The following SECISBP2L variants were observed in gnomAD, a reference collection of about 807,000 sequenced individuals.
The protein encoded by SECISBP2L is selenocysteine insertion sequence-binding protein 2-like.
Under a neutral mutation model 114.7 loss-of-function variants are expected in SECISBP2L, and 43 were observed. The observed-to-expected ratio is 0.38, with a 90% CI of 0.29 to 0.48. The LOEUF is 0.48. Among genes scored for constraint, SECISBP2L ranks in the 20% least tolerant of loss-of-function variants. SECISBP2L has a pLI of 0.98. For synonymous variants in SECISBP2L, 451 were observed against 439.7 expected, an observed-to-expected ratio of 1.03 and a Z score of -0.32; for missense variants, 1,136 against 1,301.1, an observed-to-expected ratio of 0.87 and a Z score of 1.95.
chr15:49,024,510 A>T (rs888220578), intron 7 of SECISBP2L, among the ~76,000 whole-genome samples: 1 of 151,862 alleles, frequency 6.6e-6, no homozygotes, highest in African/African-American at 2.4e-5. Context: ...AAAAAAAAAA[A>T]AAAAGAAAGA....
intron 17 of SECISBP2L, among the ~76,000 whole-genome samples, chr15:48,995,451 G>A (rs1409916679): frequency 6.6e-6 from 1 of 152,116 alleles, no homozygotes; most frequent in African/African-American, 2.4e-5. Context: ...CACAGACAGG[G>A]AGGCCAGGAA....
chr15:49,035,724 C>G, intron 2 of SECISBP2L, 66 bp from the exon 3 acceptor site: 1 of 1,415,604 alleles, frequency 7.1e-7, no homozygotes, highest in Non-Finnish European at 9.6e-7. Flanking sequence ...AAAGCAAAAT[C>G]TCTTAACTTA....
In SECISBP2L at chr15:48,992,725, T is replaced by C; in HGVS notation, c.2825A>G (p.Asp942Gly). The C allele has an allele frequency of 6.2e-7, 1 of 1,614,220 alleles. No individual in the cohort carries two copies. Among genetic ancestry groups the C allele is most frequent in the Non-Finnish European group, 8.5e-7 (1 of 1,180,036 alleles). Residue 942 changes from aspartate (D) to glycine (G), a missense_variant, in exon 18 of 18, where the codon GAT (aspartate) becomes GGT (glycine). Asp to Gly is a moderately conservative substitution (Grantham distance 94). Transcript: ENST00000559471. ...ATSAGKSTAS[D>G]KEEVKPDDLE... ...GTCATCTGGCTTCACTTCCTCTTTA[T>C]CACTTGCTGTGGATTTCCCAGCACT...
intron 13 of SECISBP2L, among the ~76,000 whole-genome samples, chr15:49,009,711 TA>T (rs201190342): frequency 1.8e-4 from 26 of 147,734 alleles, no homozygotes; most frequent in African/African-American, 4.7e-4. Flanking sequence ...TCCATCTCTT[TA>T]AAAAAAAAAC....
chr15:49,019,070 A>G (rs1356838611), intron 8 of SECISBP2L, among the ~76,000 whole-genome samples: 1 of 152,192 alleles, frequency 6.6e-6, no homozygotes, highest in Non-Finnish European at 1.5e-5. Context: ...GAACTACTCA[A>G]ATCTGAAAAG....
chr15:48,995,531 C>G (rs891496368), intron 17 of SECISBP2L, among the ~76,000 whole-genome samples: 1 of 151,950 alleles, frequency 6.6e-6, no homozygotes, highest in Non-Finnish European at 1.5e-5. Flanking sequence ...AACAAGCTAT[C>G]TGATAACCTC....
chr15:49,035,222 A>T lies in SECISBP2L; in HGVS notation c.528+112T>A, dbSNP rs1001915273. The T allele has an allele frequency of 7.9e-6, 7 of 881,912 alleles. No individual in the cohort carries two copies. In the East Asian group the frequency reaches 1.3e-4, roughly 16 times the overall value. The allele number at this position is 881,912 out of a possible 1,614,324, so 54.6% of individuals were successfully genotyped here. A position where few individuals can be genotyped will look rare whatever the true frequency, so the allele number is the denominator to read the frequency against. On this transcript the variant is annotated intron_variant, in intron 3 of 17. Transcript: ENST00000559471. ...CCTTTACCATTTTACAATAGTGAAC[A>T]ATATGTTTTATAGTAAATTCAGCAT...
intron 17 of SECISBP2L, chr15:48,995,963 A>G (rs4775793): frequency 0.75 from 124,441 of 164,956 alleles, 47,568 homozygotes; most frequent in African/African-American, 0.81. Context: ...AGCAGAACAA[A>G]GAGATTGATC....
intron 4 of SECISBP2L, among the ~76,000 whole-genome samples, chr15:49,030,191 A>G (rs1282207906): frequency 6.6e-6 from 1 of 152,220 alleles, no homozygotes; most frequent in Non-Finnish European, 1.5e-5. Context: ...TGTCATGACA[A>G]GTCTTCATAA....
rs367625728 is a variant in SECISBP2L, at chr15:49,027,338, A to C, written c.1035+27T>G. ...AAAATGACTCATCTCATACCTAATC[A>C]ATTTTCTCCAACCTAATTCGAATTA... On this transcript the variant is annotated intron_variant, in intron 7 of 17. Transcript: ENST00000559471. 2.0e-4 allele frequency: 302 copies of C among 1,531,560 alleles called. 1 individual carries two copies. The highest frequency in any genetic ancestry group is 1.5e-3 in the South Asian group (134 of 87,850). 94.9% of individuals were successfully genotyped at this position (1,531,560 alleles called of 1,614,324 possible).
In SECISBP2L at chr15:49,018,986, T is replaced by A. The variant is rs556934066; in HGVS notation, c.1170+432A>T. On this transcript the variant is annotated intron_variant, in intron 8 of 17. Transcript: ENST00000559471. ...AACAGTGCAATTAGGATATGAACTG[T>A]CTATCAGAGAAAGTAAAACATTTTT... Among the ~76,000 whole-genome samples the A allele has an allele frequency of 5.9e-5, 9 of 152,314 alleles. No homozygotes were observed. The East Asian group carries it at 1.7e-3, about 29-fold the overall frequency.
chr15:49,022,371 G>A lies in SECISBP2L; in HGVS notation c.1036-2819C>T, dbSNP rs139535522. ...TCCCAGCACTTTGGGAGGCTGAAGCGGATGGATCGCTTGAGGTCAGGAGTT... is the reference window on the plus strand; with the variant it reads ...TCCCAGCACTTTGGGAGGCTGAAGCAGATGGATCGCTTGAGGTCAGGAGTT... On this transcript the variant is annotated intron_variant, in intron 7 of 17. Coordinates refer to ENST00000559471, the MANE Select transcript of SECISBP2L (RefSeq NM_001193489.2). Among the ~76,000 whole-genome samples the A allele has an allele frequency of 5.0e-4, 76 of 152,316 alleles. 1 individual carries two copies. Among genetic ancestry groups the A allele is most frequent in the East Asian group, 7.7e-4 (4 of 5,182 alleles).
chr15:49,016,793 T>C (rs1902545769), intron 10 of SECISBP2L, 55 bp downstream of exon 10: 2 of 1,573,732 alleles, frequency 1.3e-6, no homozygotes, highest in Non-Finnish European at 1.7e-6. Flanking sequence ...TTCTATCTAT[T>C]CCATCAAACC....
chr15:49,034,721 G>C (rs1165427123), intron 3 of SECISBP2L, among the ~76,000 whole-genome samples: 2 of 148,730 alleles, frequency 1.3e-5, no homozygotes, highest in African/African-American at 5.0e-5. Context: ...CTGGAGTGTA[G>C]TGGTGCTATC....
intron 11 of SECISBP2L, among the ~76,000 whole-genome samples, chr15:49,014,658 T>C (rs973864284): frequency 3.3e-5 from 5 of 151,778 alleles, no homozygotes; most frequent in African/African-American, 1.2e-4. Flanking sequence ...TATAATTCTT[T>C]TTCATCATGA....
Position 49,018,152 on chromosome 15 carries a change from A to C in SECISBP2L, c.1171-524T>G, listed in dbSNP as rs1315999762. On this transcript the variant is annotated intron_variant, in intron 8 of 17. Transcript: ENST00000559471. ...AATAGTACAGTTGAGTACATGTACTACAATTGCCAGACCTGGATATATTGA... is the reference window on the plus strand; with the variant it reads ...AATAGTACAGTTGAGTACATGTACTCCAATTGCCAGACCTGGATATATTGA... 2.0e-5 allele frequency among the ~76,000 whole-genome samples: 3 copies of C among 152,220 alleles called. No homozygotes were observed. In the East Asian group the frequency reaches 5.8e-4, roughly 29 times the overall value.
intron 1 of SECISBP2L, among the ~76,000 whole-genome samples, chr15:49,039,197 T>TATA (rs1025531985): frequency 2.6e-5 from 4 of 152,164 alleles, no homozygotes; most frequent in Admixed American, 6.5e-5. Flanking sequence ...GTAGATATAC[T>TATA]ATAATAATAA....
chr15:48,994,995 G>A (rs986809908), intron 17 of SECISBP2L, among the ~76,000 whole-genome samples: 1 of 151,666 alleles, frequency 6.6e-6, no homozygotes, highest in African/African-American at 2.4e-5. Context: ...CCAAGACCCC[G>A]AGATTAACTG....
At chr15:49,031,224 T>A (rs1400963703) in intron 4 of SECISBP2L, among the ~76,000 whole-genome samples, 2 of 151,806 alleles carry the variant, frequency 1.3e-5, no homozygotes, top group Non-Finnish European at 2.9e-5. Flanking sequence ...ATTTTTATAT[T>A]TTTTAGTAGA....
Sources: gnomAD v4.1 joint callset for allele counts (sites outside exome capture counted in the v4.1 genomes callset) on GRCh38, gnomAD v4.1.1 for gene constraint, MANE v1.5 for transcripts, NCBI Gene and HGNC (gene_info 2026-07-23, HGNC 2026-07-21) for gene names.